CDK14: variants seen among roughly 807,000 people sequenced by gnomAD.
The protein encoded by CDK14 is cyclin dependent kinase 14.
In CDK14, 34 loss-of-function variants were observed where a neutral mutation model predicts 60.7. The ratio of observed to expected loss-of-function variants is 0.56; its 90% CI spans 0.43 to 0.75. CDK14 has a LOEUF of 0.75. CDK14 is among the 30% of genes least tolerant of loss of function. CDK14 has a pLI of 0.00. For missense variants in CDK14, 482 were observed against 564.1 expected, an observed-to-expected ratio of 0.85 and a Z score of 1.47; for synonymous variants, 197 against 203.7, an observed-to-expected ratio of 0.97 and a Z score of 0.28.
At chr7:91,083,866 T>A (rs1798551799) in intron 12 of CDK14, among the ~76,000 whole-genome samples, 1 of 152,176 alleles carries the variant, frequency 6.6e-6, no homozygotes, top group South Asian at 2.1e-4. Flanking sequence ...GATGGTAAAT[T>A]TGCCAAAGGC....
chr7:90,887,316 T>C (rs1332838862), intron 6 of CDK14, among the ~76,000 whole-genome samples: 1 of 152,176 alleles, frequency 6.6e-6, no homozygotes, highest in Non-Finnish European at 1.5e-5. Context: ...TACACTATAT[T>C]GAAATAATTT....
chr7:91,091,370 A>G (rs1432144817), intron 12 of CDK14, among the ~76,000 whole-genome samples: 3 of 144,766 alleles, frequency 2.1e-5, no homozygotes. Context: ...ATATACATAT[A>G]TACATATATA....
At chr7:91,202,420 T>A (rs1443187892) in intron 14 of CDK14, among the ~76,000 whole-genome samples, 1 of 152,182 alleles carries the variant, frequency 6.6e-6, no homozygotes, top group Non-Finnish European at 1.5e-5. Flanking sequence ...TGCACATAGT[T>A]GAGCTTATAA....
chr7:90,990,289 T>A (rs802406), intron 10 of CDK14, among the ~76,000 whole-genome samples: 111,118 of 152,054 alleles, frequency 0.73, 40,719 homozygotes, highest in East Asian at 0.77. Context: ...AGAAAAGAAA[T>A]ATACAATGTG....
At chr7:91,090,579 T>G (rs1046075759) in intron 12 of CDK14, among the ~76,000 whole-genome samples, 1 of 152,218 alleles carries the variant, frequency 6.6e-6, no homozygotes, top group African/African-American at 2.4e-5. Context: ...GCAAGTGTTT[T>G]ACCATAATGT....
At chr7:90,617,796 TAA>T (rs1364677696) in intron 2 of CDK14, among the ~76,000 whole-genome samples, 42 of 152,176 alleles carry the variant, frequency 2.8e-4, no homozygotes, top group African/African-American at 9.9e-4. Context: ...CTTCGGGTAG[TAA>T]TTTGTTTAGT....
chr7:91,153,419 A>T (rs1800880050), intron 14 of CDK14, among the ~76,000 whole-genome samples: 1 of 152,190 alleles, frequency 6.6e-6, no homozygotes, highest in Non-Finnish European at 1.5e-5. Flanking sequence ...TCTTACAAAG[A>T]CACATGCACA....
chr7:90,870,404 A>T (rs990241403), intron 6 of CDK14, among the ~76,000 whole-genome samples: 21 of 152,160 alleles, frequency 1.4e-4, no homozygotes, highest in Non-Finnish European at 2.5e-4. Flanking sequence ...TAGGCTTAAC[A>T]CCTAGGTGAT....
intron 5 of CDK14, among the ~76,000 whole-genome samples, chr7:90,860,914 G>A (rs1754118808): frequency 6.6e-6 from 1 of 152,108 alleles, no homozygotes. Flanking sequence ...TCCTTGTCAA[G>A]GTCTTGAAAT....
At chr7:90,916,349 T>C (rs896568709) in intron 7 of CDK14, among the ~76,000 whole-genome samples, 2 of 152,248 alleles carry the variant, frequency 1.3e-5, no homozygotes, top group Non-Finnish European at 2.9e-5. Context: ...ATCAGACTTC[T>C]ACTTTCTGCT....
At chr7:91,082,607 A>G (rs983647056) in intron 12 of CDK14, among the ~76,000 whole-genome samples, 3 of 152,196 alleles carry the variant, frequency 2.0e-5, no homozygotes, top group African/African-American at 7.2e-5. Context: ...AATTGAATGT[A>G]CCAGCAGAGT....
chr7:90,709,758 G>C (rs1801993137), intron 2 of CDK14: 10 of 1,422,094 alleles, frequency 7.0e-6, no homozygotes, highest in Non-Finnish European at 9.2e-7. Flanking sequence ...CTTCTCTTAG[G>C]GGATTTCTGG....
At chr7:90,869,321 G>A (rs1269576866) in intron 6 of CDK14, among the ~76,000 whole-genome samples, 1 of 152,206 alleles carries the variant, frequency 6.6e-6, no homozygotes, top group Non-Finnish European at 1.5e-5. Context: ...GATGAAAGAG[G>A]GAGATGCACA....
At chr7:91,121,627 T>C (rs1298600640) in intron 14 of CDK14, among the ~76,000 whole-genome samples, 1 of 152,240 alleles carries the variant, frequency 6.6e-6, no homozygotes, top group East Asian at 1.9e-4. Context: ...AATTTTGGTT[T>C]CAGAGTCTTG....
chr7:91,164,734 T>G (rs756099493), intron 14 of CDK14, among the ~76,000 whole-genome samples: 1 of 152,220 alleles, frequency 6.6e-6, no homozygotes, highest in Non-Finnish European at 1.5e-5. Flanking sequence ...AGCAGATGAT[T>G]CTGCACTCCC....
At chr7:91,077,189 A>G (rs1322428919) in intron 11 of CDK14, among the ~76,000 whole-genome samples, 1 of 152,238 alleles carries the variant, frequency 6.6e-6, no homozygotes, top group Non-Finnish European at 1.5e-5. Flanking sequence ...ATAAAGACAC[A>G]TGCACATGTA....
intron 5 of CDK14, among the ~76,000 whole-genome samples, chr7:90,839,477 C>G (rs569329493): frequency 9.9e-5 from 15 of 152,204 alleles, no homozygotes; most frequent in Admixed American, 2.0e-4. Context: ...ACAGGGAAGC[C>G]CATTTGCTCA....
chr7:91,139,641 A>G (rs1304280355), intron 14 of CDK14, among the ~76,000 whole-genome samples: 2 of 152,364 alleles, frequency 1.3e-5, no homozygotes, highest in East Asian at 1.9e-4. Flanking sequence ...AAAAGTTTGA[A>G]TGAATGATTT....
chr7:91,187,965 G>A (rs1802242086), intron 14 of CDK14, among the ~76,000 whole-genome samples: 1 of 152,160 alleles, frequency 6.6e-6, no homozygotes, highest in South Asian at 2.1e-4. Flanking sequence ...CTAGTCCCAG[G>A]TAGCCTTTTC....
Sources: allele counts gnomAD v4.1 joint callset (sites outside exome capture counted in the v4.1 genomes callset), GRCh38; gene constraint gnomAD v4.1.1; transcripts MANE v1.5; gene names NCBI Gene and HGNC (gene_info 2026-07-23, HGNC 2026-07-21).